Variants in PLEKHA7 observed in about 807,000 individuals in gnomAD.
PLEKHA7 encodes the protein pleckstrin homology domain-containing family A member 7.
A neutral mutation model predicts 170.0 loss-of-function variants in PLEKHA7; 104 were observed. The observed-to-expected ratio is 0.61, with a 90% CI of 0.52 to 0.72. PLEKHA7 has a LOEUF of 0.72. PLEKHA7 is among the 30% of genes least tolerant of loss of function. The pLI, the probability that PLEKHA7 is intolerant of heterozygous loss-of-function variation, is 0.00. For synonymous variants in PLEKHA7, 648 were observed against 660.8 expected, an observed-to-expected ratio of 0.98 and a Z score of 0.30; for missense variants, 1,615 against 1,671.7, an observed-to-expected ratio of 0.97 and a Z score of 0.59.
chr11:16,826,570 C>T lies in PLEKHA7; in HGVS notation c.893G>A (p.Arg298Gln), dbSNP rs751530784. Residue 298 changes from arginine to glutamine, a missense_variant, in exon 10 of 27, where the codon CGG becomes CAG. Coordinates refer to ENST00000531066, the MANE Select transcript of PLEKHA7 (RefSeq NM_001329630.2). ...GTGGTTGGCCTGGGGGACAGCCTGC[C>T]GCTCCACCTTCTCCATATCCCTGCA... ...SLKRDMEKVERQAVPQANHTE... is the reference protein window; with the variant it reads ...SLKRDMEKVEQQAVPQANHTE... 1.2e-5 allele frequency: 19 copies of T among 1,613,388 alleles called. No individual in the cohort carries two copies. The highest frequency in any genetic ancestry group is 2.7e-5 in the African/African-American group (2 of 74,920).
intron 3 of PLEKHA7, among the ~76,000 whole-genome samples, chr11:16,895,129 T>C (rs193295179): frequency 5.3e-5 from 8 of 152,252 alleles, no homozygotes; most frequent in Admixed American, 5.2e-4. Context: ...ATTCCTTACA[T>C]TTCTAAGGCA....
intron 8 of PLEKHA7, among the ~76,000 whole-genome samples, chr11:16,843,850 T>C (rs1162281264): frequency 1.3e-5 from 2 of 151,918 alleles, no homozygotes; most frequent in Non-Finnish European, 2.9e-5. Context: ...GGCATGAAAA[T>C]TGCTTGGACC....
chr11:16,805,165 T>A (rs1325675383), intron 13 of PLEKHA7, among the ~76,000 whole-genome samples: 2 of 152,116 alleles, frequency 1.3e-5, no homozygotes, highest in Non-Finnish European at 1.5e-5. Flanking sequence ...GGGGATTCTT[T>A]CCCCCAGCAA....
In PLEKHA7 at chr11:17,013,940, A is replaced by ACC. The variant is rs545393853; in HGVS notation, c.221+47_221+48dup. Reference sequence around the variant, plus strand: ...GGGCGCCCGGCGGGAACGGGGAGGGACCCCCCCCCCGCGGCACAGGTGCGA... The same window carrying ACC: ...GGGCGCCCGGCGGGAACGGGGAGGGACCCCCCCCCCCCGCGGCACAGGTGCGA... On this transcript the variant is annotated intron_variant, in intron 3 of 26. Transcript: ENST00000531066. 2.6e-3 allele frequency: 3,338 copies of ACC among 1,297,346 alleles called. 45 individuals are homozygous for ACC. The African/African-American group carries it at 0.042, about 16-fold the overall frequency. The allele number at this position is 1,297,346 out of a possible 1,614,324, so 80.4% of individuals were successfully genotyped here.
chr11:16,783,022 T>C, intron 25 of PLEKHA7, 126 bp from the exon 26 acceptor site: 1 of 1,013,894 alleles, frequency 9.9e-7, no homozygotes, highest in South Asian at 1.7e-5. Context: ...CTGTGGTACT[T>C]TCTCCCTAGA....
chr11:16,939,485 GATTA>G (rs1165536016), intron 3 of PLEKHA7, among the ~76,000 whole-genome samples: 4 of 152,112 alleles, frequency 2.6e-5, no homozygotes, highest in East Asian at 1.9e-4. Context: ...AAGCTATGAA[GATTA>G]ATTAAAATAA....
At chr11:16,781,593 A>G (rs142344465) in intron 26 of PLEKHA7, among the ~76,000 whole-genome samples, 16 of 152,308 alleles carry the variant, frequency 1.1e-4, no homozygotes, top group Non-Finnish European at 2.2e-4. Flanking sequence ...CTCTCAGCCC[A>G]TTCAGCATGT....
chr11:16,827,829 TAAAAAAAAA>T (rs11358170), intron 9 of PLEKHA7, among the ~76,000 whole-genome samples: 1 of 135,508 alleles, frequency 7.4e-6, no homozygotes, highest in East Asian at 2.2e-4. Flanking sequence ...ACTCCATGGT[TAAAAAAAAA>T]AAAAAAAAGG....
intron 17 of PLEKHA7, among the ~76,000 whole-genome samples, chr11:16,795,733 G>A (rs1241148180): frequency 6.6e-6 from 1 of 151,484 alleles, no homozygotes; most frequent in Non-Finnish European, 1.5e-5. Flanking sequence ...AGGTTGCAGT[G>A]AGCCGAGATC....
chr11:16,979,731 AT>A (rs1244572067), intron 3 of PLEKHA7, among the ~76,000 whole-genome samples: 5 of 152,122 alleles, frequency 3.3e-5, no homozygotes, highest in Admixed American at 3.3e-4. Context: ...AAAAAGACAT[AT>A]TTCCTCCTTC....
intron 3 of PLEKHA7, among the ~76,000 whole-genome samples, chr11:16,887,308 C>T (rs1856191008): frequency 4.6e-5 from 2 of 43,100 alleles, no homozygotes; most frequent in Admixed American, 3.7e-4. Context: ...TCAACCTCTC[C>T]CTCTCCCTCT....
At chr11:16,782,110 G>A (rs1371810997) in intron 26 of PLEKHA7, among the ~76,000 whole-genome samples, 2 of 150,418 alleles carry the variant, frequency 1.3e-5, no homozygotes, top group South Asian at 2.1e-4. Flanking sequence ...CACACACACA[G>A]ACACACAGAC....
At position 16,851,177 on chromosome 11, in the gene PLEKHA7, T is replaced by C. The variant is rs1159090746; in HGVS notation, c.696+14A>G. 2 of 1,581,540 alleles carry C rather than the reference T, an allele frequency of 1.3e-6. No individual in the cohort carries two copies. Among genetic ancestry groups the C allele is most frequent in the Non-Finnish European group, 1.7e-6 (2 of 1,160,768 alleles). ...TTAGACAGAATGGCTGCATTAGAGG[T>C]GCAGGGGCAGTACCTTAAAGGAATA... On this transcript the variant is annotated intron_variant, in intron 8 of 26. Coordinates refer to ENST00000531066, the MANE Select transcript of PLEKHA7 (RefSeq NM_001329630.2).
intron 9 of PLEKHA7, among the ~76,000 whole-genome samples, chr11:16,837,384 A>G (rs1180227548): frequency 6.6e-6 from 1 of 152,150 alleles, no homozygotes; most frequent in East Asian, 1.9e-4. Flanking sequence ...TTTTTCCTAT[A>G]AAGTTCAATC....
At chr11:16,850,049 C>G (rs1331025988) in intron 8 of PLEKHA7, among the ~76,000 whole-genome samples, 1 of 152,176 alleles carries the variant, frequency 6.6e-6, no homozygotes, top group East Asian at 1.9e-4. Flanking sequence ...TCTCACTTTG[C>G]AAGCCCCTCA....
chr11:16,809,654 A>G (rs1849225777), intron 13 of PLEKHA7, among the ~76,000 whole-genome samples: 1 of 152,192 alleles, frequency 6.6e-6, no homozygotes, highest in South Asian at 2.1e-4. Context: ...GGGTTTTCCT[A>G]ATCCAACCAT....
At chr11:16,858,187 A>G (rs1215401737) in intron 4 of PLEKHA7, among the ~76,000 whole-genome samples, 1 of 152,150 alleles carries the variant, frequency 6.6e-6, no homozygotes, top group Non-Finnish European at 1.5e-5. Flanking sequence ...CATTCTTTTT[A>G]TATGCCTGGG....
intron 3 of PLEKHA7, among the ~76,000 whole-genome samples, chr11:16,914,124 G>A (rs1405678122): frequency 2.0e-5 from 3 of 151,898 alleles, no homozygotes; most frequent in African/African-American, 2.4e-5. Flanking sequence ...ACATGATATC[G>A]TAAGTGCATA....
chr11:16,887,461 C>A (rs1856217469), intron 3 of PLEKHA7, among the ~76,000 whole-genome samples: 1 of 152,178 alleles, frequency 6.6e-6, no homozygotes, highest in African/African-American at 2.4e-5. Context: ...CTGGACTGTA[C>A]TGCCGCCATC....
Sources: gnomAD v4.1 joint callset for allele counts (sites outside exome capture counted in the v4.1 genomes callset) on GRCh38, gnomAD v4.1.1 for gene constraint, MANE v1.5 for transcripts, NCBI Gene and HGNC (gene_info 2026-07-23, HGNC 2026-07-21) for gene names.